ESYT3: variants seen among roughly 807,000 people sequenced by gnomAD.
ESYT3 encodes extended synaptotagmin 3, also known as extended synaptotagmin-3.
ESYT3 carries 101 observed loss-of-function variants against 111.5 expected under a neutral mutation model. That is an observed-to-expected ratio of 0.91 (90% CI 0.77 to 1.07). The LOEUF (loss-of-function observed/expected upper bound fraction) is 1.07. Among genes scored for constraint, ESYT3 ranks in the 50% least tolerant of loss-of-function variants. The pLI is 0.00. For synonymous variants in ESYT3, 416 were observed against 446.8 expected, an observed-to-expected ratio of 0.93 and a Z score of 0.87; for missense variants, 1,097 against 1,109.4, an observed-to-expected ratio of 0.99 and a Z score of 0.16.
intron 1 of ESYT3, among the ~76,000 whole-genome samples, chr3:138,441,617 C>G (rs2031158764): frequency 6.6e-6 from 1 of 152,168 alleles, no homozygotes; most frequent in East Asian, 1.9e-4. Context: ...CCTGGCCTGC[C>G]TTGCTCTTTC....
intron 14 of ESYT3, 44 bp downstream of exon 14, chr3:138,468,925 A>G: frequency 1.3e-6 from 2 of 1,594,906 alleles, no homozygotes; most frequent in South Asian, 2.2e-5. Flanking sequence ...GGCAAATCAC[A>G]GCTTCTCTCC....
intron 1 of ESYT3, among the ~76,000 whole-genome samples, chr3:138,449,143 G>C (rs2031765524): frequency 6.9e-6 from 1 of 143,968 alleles, no homozygotes; most frequent in East Asian, 2.1e-4. Context: ...GGAGTGCAGT[G>C]GTGTGACCTC....
chr3:138,481,407 C>T (rs1452738566), downstream of ESYT3: 3 of 152,264 alleles, frequency 2.0e-5, no homozygotes, highest in African/African-American at 7.3e-5. Flanking sequence ...CGCTCTGTCA[C>T]CCAGGCTGGA....
In ESYT3 at chr3:138,458,418, C is replaced by T. The variant is rs544804307; in HGVS notation, c.582-769C>T. ...GTCAGGGCACATCGAGGTTGTGTGG[C>T]CCACTCAGCTGCCCAGGCAGCCCCC... On this transcript the variant is annotated intron_variant, in intron 4 of 22. Transcript: ENST00000389567. Among the ~76,000 whole-genome samples, 126 of 152,346 alleles carry T rather than the reference C, an allele frequency of 8.3e-4. No homozygotes were observed. In the Middle Eastern group the frequency reaches 0.02, roughly 25 times the overall value.
chr3:138,435,918 A>G lies in ESYT3; in HGVS notation c.327+793A>G, dbSNP rs550851970. On this transcript the variant is annotated intron_variant, in intron 1 of 22. Transcript: ENST00000389567. The surrounding 1 kb of genome is among the most constrained non-coding windows in gnomAD (Gnocchi z 4.8). The stretch of plus-strand genomic sequence containing the variant: ...ACCGGCAAGAGGGGTGTTCCGTCCA[A>G]TGGTTGGTCTGCGGCAAACCCTTAC... 3.3e-5 allele frequency among the ~76,000 whole-genome samples: 5 copies of G among 152,260 alleles called. No individual in the cohort carries two copies. In the South Asian group the frequency reaches 8.3e-4, roughly 25 times the overall value.
Position 138,434,942 on chromosome 3 carries a change from T to A in ESYT3, c.144T>A (p.Pro48=), listed in dbSNP as rs1348720588. 6.4e-7 allele frequency: 1 copy of A among 1,552,768 alleles called. No individual in the cohort carries two copies. Among genetic ancestry groups the A allele is most frequent in the Middle Eastern group, 1.7e-4 (1 of 5,940 alleles). Residue 48 remains proline (P), a synonymous_variant, in exon 1 of 23, where the codon CCT becomes CCA. Transcript: ENST00000389567. ...TGCGCGTGCTGTTCTACCTGGGGCC[T>A]GTCTACCTAGCTGGCTACCTGGGGC... ...FVVRVLFYLG[P]VYLAGYLGLS...
At chr3:138,461,686 C>T (rs144586042) in intron 7 of ESYT3, among the ~76,000 whole-genome samples, 233 of 152,310 alleles carry the variant, frequency 1.5e-3, no homozygotes, top group African/African-American at 5.3e-3. Context: ...CCCAGGAATA[C>T]GCATTATTAG....
chr3:138,468,013 T>C, intron 11 of ESYT3, 92 bp from the exon 12 acceptor site: 2 of 1,138,928 alleles, frequency 1.8e-6, no homozygotes, highest in Non-Finnish European at 2.6e-6. Context: ...CTGTCCCTAC[T>C]AGGATGCCAG....
chr3:138,449,999 A>G (rs930074670), intron 1 of ESYT3, among the ~76,000 whole-genome samples: 3 of 152,218 alleles, frequency 2.0e-5, no homozygotes, highest in Non-Finnish European at 4.4e-5. Context: ...AAATGCTGCA[A>G]TGGAGAACCA....
intron 1 of ESYT3, among the ~76,000 whole-genome samples, chr3:138,439,957 T>TG (rs1422973882): frequency 6.6e-6 from 1 of 152,174 alleles, no homozygotes; most frequent in Non-Finnish European, 1.5e-5. Context: ...TGTGAAGTAG[T>TG]GGAAGTCATT....
In ESYT3 at chr3:138,434,825, C is replaced by T. The variant is rs1464562718; in HGVS notation, c.27C>T (p.Pro9=). The change falls in exon 1 of 23, where the codon CCC becomes CCT. Residue 9 remains proline (P), a synonymous_variant. Coordinates refer to ENST00000389567, the MANE Select transcript of ESYT3 (RefSeq NM_031913.5). MRAEEPCA[P]GAPSALGAQR... Reference sequence around the variant, plus strand: ...TGCGAGCAGAGGAGCCCTGCGCCCCCGGGGCCCCCAGCGCCCTGGGAGCCC... The same window carrying T: ...TGCGAGCAGAGGAGCCCTGCGCCCCTGGGGCCCCCAGCGCCCTGGGAGCCC... The T allele has an allele frequency of 6.4e-6, 10 of 1,559,924 alleles. No homozygotes were observed. Among genetic ancestry groups the T allele is most frequent in the Non-Finnish European group, 7.8e-6 (9 of 1,154,020 alleles).
chr3:138,451,199 G>C (rs2031901978), intron 1 of ESYT3, among the ~76,000 whole-genome samples: 1 of 152,202 alleles, frequency 6.6e-6, no homozygotes, highest in South Asian at 2.1e-4. Flanking sequence ...TCCCACACTG[G>C]GGTTCACCCA....
chr3:138,469,165 T>C, intron 14 of ESYT3: 1 of 593,084 alleles, frequency 1.7e-6, no homozygotes, highest in Non-Finnish European at 3.0e-6. Context: ...ACTGTTTTCA[T>C]AGCCCCAGGG....
At chr3:138,455,472 C>G in intron 3 of ESYT3, 144 bp downstream of exon 3, 1 of 780,242 alleles carries the variant, frequency 1.3e-6, no homozygotes, top group South Asian at 1.9e-5. Flanking sequence ...CTCCCGCCAC[C>G]ACCTGCATTT....
intron 18 of ESYT3, 169 bp from the exon 19 acceptor site, chr3:138,473,367 A>G: frequency 1.5e-6 from 1 of 660,044 alleles, no homozygotes; most frequent in East Asian, 2.6e-5. Flanking sequence ...GGATAATTAT[A>G]CATGAATGCT....
rs1479245074 is a variant in ESYT3, at chr3:138,470,135, C to T, written c.1579C>T (p.Leu527Phe). ...FFVHNVATER[L>F]HLKVLDDDQE... ...TGTGCACAATGTGGCCACTGAGCGG[C>T]TCCATCTGAAGGTTTGATGGAAGAA... The change falls in exon 16 of 23, where the codon CTC becomes TTC. Residue 527 changes from leucine to phenylalanine, a missense_variant. Coordinates refer to ENST00000389567, the MANE Select transcript of ESYT3 (RefSeq NM_031913.5). The T allele has an allele frequency of 2.5e-6, 4 of 1,612,260 alleles. No individual in the cohort carries two copies. Among genetic ancestry groups the T allele is most frequent in the African/African-American group, 1.3e-5 (1 of 74,888 alleles).
In ESYT3 at chr3:138,457,657, G is replaced by C; in HGVS notation, c.581+13G>C. ...ACCTGCAGATCTGGTGAGCTCTATCGGGCTGGGTATGGGCTTCGGGGTGCA... is the reference window on the plus strand; with the variant it reads ...ACCTGCAGATCTGGTGAGCTCTATCCGGCTGGGTATGGGCTTCGGGGTGCA... On this transcript the variant is annotated intron_variant, in intron 4 of 22. Coordinates refer to ENST00000389567, the MANE Select transcript of ESYT3 (RefSeq NM_031913.5). The C allele has an allele frequency of 6.2e-7, 1 of 1,613,970 alleles. No homozygotes were observed. The highest frequency in any genetic ancestry group is 8.5e-7 in the Non-Finnish European group (1 of 1,179,918).
In ESYT3 at chr3:138,444,581, A is replaced by C. The variant is rs938799001; in HGVS notation, c.328-7467A>C. On this transcript the variant is annotated intron_variant, in intron 1 of 22. Transcript: ENST00000389567. Reference sequence around the variant, plus strand: ...CACTTATTAATCAGCAAGAAACCTGAGGCTGAAGGGAGTTAAGACCAAAAC... The same window carrying C: ...CACTTATTAATCAGCAAGAAACCTGCGGCTGAAGGGAGTTAAGACCAAAAC... Among the ~76,000 whole-genome samples, 9 of 152,332 alleles carry C rather than the reference A, an allele frequency of 5.9e-5. No individual in the cohort carries two copies. The East Asian group carries it at 1.7e-3, about 29-fold the overall frequency.
Position 138,455,313 on chromosome 3 carries a change from C to G in ESYT3, c.489C>G (p.Leu163=). Residue 163 remains leucine (L), a synonymous_variant, in exon 3 of 23, where the codon CTC becomes CTG. Transcript: ENST00000389567. The stretch of plus-strand genomic sequence containing the variant: ...TGAGGACCTTTACCTTTACCAAGCT[C>G]TACTTTGGACAGAAGGTGGGTGTGT... ...IHLRTFTFTK[L]YFGQKCPRVN... The G allele has an allele frequency of 1.2e-6, 2 of 1,614,160 alleles. No individual in the cohort carries two copies. Among genetic ancestry groups the G allele is most frequent in the Non-Finnish European group, 1.7e-6 (2 of 1,180,014 alleles).
Sources: allele counts gnomAD v4.1 joint callset (sites outside exome capture counted in the v4.1 genomes callset), GRCh38; gene constraint gnomAD v4.1.1; non-coding constraint Gnocchi (gnomAD v3.1); transcripts MANE v1.5; gene names NCBI Gene and HGNC (gene_info 2026-07-23, HGNC 2026-07-21).